The following RABGAP1L variants were observed in gnomAD, a reference collection of about 807,000 sequenced individuals.
RABGAP1L encodes the protein rab GTPase-activating protein 1-like.
In RABGAP1L, 63 loss-of-function variants were observed where a neutral mutation model predicts 137.7. That is an observed-to-expected ratio of 0.46 (90% CI 0.37 to 0.56). The LOEUF is 0.56. RABGAP1L is among the 20% of genes least tolerant of loss of function. The pLI, the probability that RABGAP1L is intolerant of heterozygous loss-of-function variation, is 0.00. For missense variants in RABGAP1L, 1,095 were observed against 1,244.0 expected (o/e 0.88, Z 1.80); for synonymous variants, 431 against 433.7 (o/e 0.99, Z 0.08).
At chr1:174,571,795 G>A (rs982305910) in intron 13 of RABGAP1L, among the ~76,000 whole-genome samples, 17 of 152,022 alleles carry the variant, frequency 1.1e-4, no homozygotes, top group East Asian at 5.8e-4. Flanking sequence ...AATTCATTAC[G>A]AATTATGTAG....
chr1:174,770,570 A>G (rs992526865), intron 18 of RABGAP1L, among the ~76,000 whole-genome samples: 2 of 152,252 alleles, frequency 1.3e-5, no homozygotes, highest in African/African-American at 2.4e-5. Flanking sequence ...AATGTACCCT[A>G]AGAAATACAA....
chr1:174,849,873 T>TG lies in RABGAP1L; in HGVS notation c.2340+37915dup, dbSNP rs1647953033. The TG allele has an allele frequency of 5.3e-6, 3 of 570,780 alleles. No homozygotes were observed. The African/African-American group carries it at 5.7e-5, about 11-fold the overall frequency. 35.4% of individuals were successfully genotyped at this position (570,780 alleles called of 1,614,324 possible). On this transcript the variant is annotated intron_variant, in intron 19 of 25. Transcript: ENST00000681986. ...CTTAATATTTATCATATTAAAGTGATGGCCAAAAGGCAATCTGAATTCTTT... is the reference window on the plus strand; with the variant it reads ...CTTAATATTTATCATATTAAAGTGATGGGCCAAAAGGCAATCTGAATTCTTT...
chr1:174,503,166 A>G (rs1299545405), intron 13 of RABGAP1L, among the ~76,000 whole-genome samples: 2 of 152,148 alleles, frequency 1.3e-5, no homozygotes, highest in Non-Finnish European at 2.9e-5. Context: ...GCCCACTGTT[A>G]CTTCAAAATA....
chr1:174,654,594 T>G (rs2148402179), intron 14 of RABGAP1L, among the ~76,000 whole-genome samples: 1 of 152,258 alleles, frequency 6.6e-6, no homozygotes, highest in South Asian at 2.1e-4. Flanking sequence ...CCATATTCAG[T>G]TAGTAGTTTA....
intron 18 of RABGAP1L, among the ~76,000 whole-genome samples, chr1:174,758,055 C>T (rs1211485346): frequency 6.7e-6 from 1 of 150,226 alleles, no homozygotes; most frequent in African/African-American, 2.4e-5. Flanking sequence ...TGAAGTGTAT[C>T]TTTGATGTTT....
intron 19 of RABGAP1L, among the ~76,000 whole-genome samples, chr1:174,834,495 G>C (rs1345803908): frequency 6.6e-6 from 1 of 151,650 alleles, no homozygotes; most frequent in Non-Finnish European, 1.5e-5. Context: ...ATCCCTCGTG[G>C]CCAAAACCAT....
intron 3 of RABGAP1L, among the ~76,000 whole-genome samples, chr1:174,224,550 T>G (rs1187943023): frequency 6.6e-6 from 1 of 152,232 alleles, no homozygotes; most frequent in Non-Finnish European, 1.5e-5. Context: ...GTTTTCATCT[T>G]TCAAGTAATT....
chr1:174,519,045 T>C (rs1321145175), intron 13 of RABGAP1L, among the ~76,000 whole-genome samples: 1 of 151,848 alleles, frequency 6.6e-6, no homozygotes, highest in East Asian at 1.9e-4. Context: ...GGAAAGCTGA[T>C]TGCATTAGGC....
chr1:174,653,666 G>C (rs1365393367), intron 14 of RABGAP1L, among the ~76,000 whole-genome samples: 1 of 152,202 alleles, frequency 6.6e-6, no homozygotes, highest in Non-Finnish European at 1.5e-5. Flanking sequence ...CCCGCCTTCT[G>C]CGTTGATCTA....
chr1:174,392,405 G>A (rs1339184369), intron 12 of RABGAP1L, among the ~76,000 whole-genome samples: 39 of 152,174 alleles, frequency 2.6e-4, no homozygotes, highest in Non-Finnish European at 4.4e-5. Context: ...TTGTCACTTG[G>A]CAGCATAACT....
intron 19 of RABGAP1L, among the ~76,000 whole-genome samples, chr1:174,869,177 G>T (rs1019653823): frequency 2.0e-5 from 3 of 152,066 alleles, no homozygotes; most frequent in African/African-American, 7.2e-5. Flanking sequence ...CCAGAGTCAG[G>T]TACCTCACTG....
intron 10 of RABGAP1L, among the ~76,000 whole-genome samples, chr1:174,293,862 T>C (rs1011525550): frequency 2.0e-5 from 3 of 152,128 alleles, no homozygotes; most frequent in African/African-American, 7.2e-5. Flanking sequence ...CTATTCTCTG[T>C]TCTAAAACAG....
At chr1:174,976,233 A>C in intron 22 of RABGAP1L, 51 bp downstream of exon 22, 1 of 1,363,374 alleles carries the variant, frequency 7.3e-7, no homozygotes, top group Non-Finnish European at 1.0e-6. Flanking sequence ...GTTGGTAGGG[A>C]ATTAACACTA....
At chr1:174,929,915 A>G (rs1663499004) in intron 19 of RABGAP1L, among the ~76,000 whole-genome samples, 1 of 147,014 alleles carries the variant, frequency 6.8e-6, no homozygotes, top group African/African-American at 2.5e-5. Context: ...CAGTGATGCA[A>G]TCTCAGCTCA....
intron 7 of RABGAP1L, among the ~76,000 whole-genome samples, chr1:174,263,671 AAAGC>A (rs1673787853): frequency 6.6e-6 from 1 of 152,082 alleles, no homozygotes; most frequent in South Asian, 2.1e-4. Flanking sequence ...TTTTCTTACT[AAAGC>A]AAGAAACCCT....
At chr1:174,167,911 G>C (rs754399630) in intron 1 of RABGAP1L, among the ~76,000 whole-genome samples, 2 of 152,124 alleles carry the variant, frequency 1.3e-5, no homozygotes, top group African/African-American at 4.8e-5. Context: ...AGGAATAGTT[G>C]TTAGAATGGT....
At position 174,377,330 on chromosome 1, in the gene RABGAP1L, T is replaced by G. The variant is rs1360105204; in HGVS notation, c.1559+6258T>G. 2.6e-5 allele frequency among the ~76,000 whole-genome samples: 4 copies of G among 152,316 alleles called. No homozygotes were observed. In the Middle Eastern group the frequency reaches 0.01, roughly 389 times the overall value. On this transcript the variant is annotated intron_variant, in intron 12 of 25. Coordinates refer to ENST00000681986, the MANE Select transcript of RABGAP1L (RefSeq NM_001366446.1). ...TTCCAATAAAAATCTCAGCAGATTTTTTGGTAGCAACCAACAAGCTGATTT... is the reference window on the plus strand; with the variant it reads ...TTCCAATAAAAATCTCAGCAGATTTGTTGGTAGCAACCAACAAGCTGATTT...
At chr1:174,169,243 G>A (rs909127887) in intron 1 of RABGAP1L, among the ~76,000 whole-genome samples, 4 of 149,994 alleles carry the variant, frequency 2.7e-5, no homozygotes, top group South Asian at 2.1e-4. Flanking sequence ...TTTTTGACAC[G>A]GAGTCTTGCT....
At chr1:174,739,301 G>T (rs949166341) in intron 17 of RABGAP1L, among the ~76,000 whole-genome samples, 1 of 152,080 alleles carries the variant, frequency 6.6e-6, no homozygotes, top group Non-Finnish European at 1.5e-5. Flanking sequence ...ATAGAAAATG[G>T]TTTGCTAGAT....
Sources: allele counts gnomAD v4.1 joint callset (sites outside exome capture counted in the v4.1 genomes callset), GRCh38; gene constraint gnomAD v4.1.1; transcripts MANE v1.5; gene names NCBI Gene and HGNC (gene_info 2026-07-23, HGNC 2026-07-21).